Variants in ZNF561 observed in about 807,000 individuals in gnomAD.
ZNF561 encodes zinc finger protein 561.
ZNF561 carries 16 observed loss-of-function variants against 16.7 expected under a neutral mutation model. That is an observed-to-expected ratio of 0.96 (90% CI 0.65 to 1.45). The LOEUF (loss-of-function observed/expected upper bound fraction) is 1.45, where lower values mean the gene tolerates loss of function less well. Ranked by LOEUF, ZNF561 falls within the 40% of genes most tolerant of loss-of-function variation. The probability of loss-of-function intolerance (pLI) is 0.00; values close to 1 mark genes in which losing one functional copy is unlikely to be tolerated. For synonymous variants in ZNF561, 190 were observed against 192.1 expected, an observed-to-expected ratio of 0.99 and a Z score of 0.09; for missense variants, 580 against 578.0, an observed-to-expected ratio of 1.00 and a Z score of -0.04.
chr19:9,617,801 T>G (rs1177659590), intron 3 of ZNF561: 1 of 487,544 alleles, frequency 2.1e-6, no homozygotes, highest in Admixed American at 2.3e-5. Context: ...AAAGGACACT[T>G]TCATCTGCTT....
chr19:9,618,864 C>T (rs1447544162), intron 2 of ZNF561, among the ~76,000 whole-genome samples: 2 of 152,186 alleles, frequency 1.3e-5, no homozygotes, highest in Non-Finnish European at 2.9e-5. Context: ...TGCCTGTAAT[C>T]CCAATACTTT....
In ZNF561 at chr19:9,607,879, T is replaced by C. The variant is rs2074377587; in HGVS notation, c.*2321A>G. ...TGTATGTGAAAATAGGGTTTTTTAG[T>C]TTTGTTTTTGAGACAGAGTCTCGCT... On this transcript the variant is annotated 3_prime_UTR_variant, in exon 6 of 6. Transcript: ENST00000302851. The C allele has an allele frequency of 6.6e-6, 1 of 152,048 alleles. No homozygotes were observed. The highest frequency in any genetic ancestry group is 1.5e-5 in the Non-Finnish European group (1 of 68,026). The allele number at this position is 152,048 out of a possible 1,614,324, so 9.4% of individuals were successfully genotyped here. A position where few individuals can be genotyped will look rare whatever the true frequency, so the allele number is the denominator to read the frequency against.
At chr19:9,616,790 T>A (rs968618015) in intron 4 of ZNF561, among the ~76,000 whole-genome samples, 9 of 151,522 alleles carry the variant, frequency 5.9e-5, no homozygotes, top group African/African-American at 2.2e-4. Flanking sequence ...GAGACGGGGT[T>A]TCACAGTGTT....
In ZNF561 at chr19:9,618,138, T is replaced by C; in HGVS notation, c.67A>G (p.Thr23Ala). ...REPICPFEEKTKVERMVEDYL... is the reference protein window; with the variant it reads ...REPICPFEEKAKVERMVEDYL... ...TCCTCCACCATCCTTTCTACCTTTG[T>C]CTTTTCTTCAAAAGGGCAGATTGGT... The change falls in exon 3 of 6, where the codon ACA becomes GCA. Residue 23 changes from threonine to alanine, a missense_variant. Thr to Ala is a moderately conservative substitution (Grantham distance 58). Coordinates refer to ENST00000302851, the MANE Select transcript of ZNF561 (RefSeq NM_152289.3). The C allele has an allele frequency of 6.4e-7, 1 of 1,551,436 alleles. No individual in the cohort carries two copies. The highest frequency in any genetic ancestry group is 1.4e-5 in the African/African-American group (1 of 73,164).
chr19:9,607,527 T>TAG lies in ZNF561; in HGVS notation c.*2672_*2673insCT, dbSNP rs1331542721. On this transcript the variant is annotated 3_prime_UTR_variant, in exon 6 of 6. Transcript: ENST00000302851. ...AAAACTGGATATAAAAAGAAACCTTTCCTGTAAGAGATTAGCCTCTTCAAA... is the reference window on the plus strand; with the variant it reads ...AAAACTGGATATAAAAAGAAACCTTTAGCCTGTAAGAGATTAGCCTCTTCAAA... 53 of 152,270 alleles carry TAG rather than the reference T, an allele frequency of 3.5e-4. No individual in the cohort carries two copies. In the East Asian group the frequency reaches 9.6e-3, roughly 28 times the overall value. The allele number at this position is 152,270 out of a possible 1,614,324, so 9.4% of individuals were successfully genotyped here.
Position 9,617,987 on chromosome 19 carries a change from A to G in ZNF561, c.114+104T>C, listed in dbSNP as rs1271023800. 3 of 1,107,858 alleles carry G rather than the reference A, an allele frequency of 2.7e-6. No homozygotes were observed. The Admixed American group carries it at 6.5e-5, about 24-fold the overall frequency. 68.6% of individuals were successfully genotyped at this position (1,107,858 alleles called of 1,614,324 possible). ...GGACTCAGTCCTTGAGTAAGGCTTC[A>G]TTTGCTCTAAGAAAACTCTGAAGAT... On this transcript the variant is annotated intron_variant, in intron 3 of 5. Coordinates refer to ENST00000302851, the MANE Select transcript of ZNF561 (RefSeq NM_152289.3).
chr19:9,619,080 A>C (rs930462053), intron 2 of ZNF561: 1 of 157,870 alleles, frequency 6.3e-6, no homozygotes, highest in East Asian at 1.8e-4. Flanking sequence ...TTCTGTCTCA[A>C]AAACAAAAAC....
At position 9,612,532 on chromosome 19, in the gene ZNF561, T is replaced by C. The variant is rs183276068; in HGVS notation, c.325-1196A>G. Among the ~76,000 whole-genome samples, 781 of 152,226 alleles carry C rather than the reference T, an allele frequency of 5.1e-3. 5 individuals are homozygous for C. Among genetic ancestry groups the C allele is most frequent in the African/African-American group, 0.017 (724 of 41,548 alleles). On this transcript the variant is annotated intron_variant, in intron 5 of 5. Transcript: ENST00000302851. ...CACACCCAGCCTCAATTTATTTTTA[T>C]AGAGACAAAGTCTTACTATGTAGCC...
At chr19:9,612,739 G>C (rs2074483594) in intron 5 of ZNF561, among the ~76,000 whole-genome samples, 1 of 152,182 alleles carries the variant, frequency 6.6e-6, no homozygotes, top group Non-Finnish European at 1.5e-5. Flanking sequence ...CCTTTTGCCA[G>C]AATTCTACGC....
In ZNF561 at chr19:9,618,111, A is replaced by G; in HGVS notation, c.94T>C (p.Tyr32His). 1 of 1,551,280 alleles carries G rather than the reference A, an allele frequency of 6.4e-7. No homozygotes were observed. The highest frequency in any genetic ancestry group is 8.7e-7 in the Non-Finnish European group (1 of 1,146,644). The stretch of plus-strand genomic sequence containing the variant: ...CTTACCTGATAACCACTTGCCAGGT[A>G]GTCCTCCACCATCCTTTCTACCTTT... ...KTKVERMVED[Y>H]LASGYQDSVT... The change falls in exon 3 of 6, where the codon TAC (tyrosine) becomes CAC (histidine). Residue 32 changes from tyrosine to histidine, a missense_variant. Physicochemically the swap from Tyr to His is moderately conservative, Grantham distance 83. Transcript: ENST00000302851.
chr19:9,619,224 T>A lies in ZNF561; in HGVS notation c.25+208A>T, dbSNP rs142901991. 2,242 of 290,244 alleles carry A rather than the reference T, an allele frequency of 7.7e-3. 50 individuals are homozygous for A. The highest frequency in any genetic ancestry group is 0.046 in the African/African-American group (2,091 of 45,444). 18.0% of individuals were successfully genotyped at this position (290,244 alleles called of 1,614,324 possible). On this transcript the variant is annotated intron_variant, in intron 2 of 5. Coordinates refer to ENST00000302851, the MANE Select transcript of ZNF561 (RefSeq NM_152289.3). Reference sequence around the variant, plus strand: ...GTGAGCTAAGATTGCACCACTGCACTCCAGCCTGGGTGACGGAACAAGATT... The same window carrying A: ...GTGAGCTAAGATTGCACCACTGCACACCAGCCTGGGTGACGGAACAAGATT...
intron 3 of ZNF561, 105 bp downstream of exon 3, chr19:9,617,986 C>A (rs1193091069): frequency 1.9e-6 from 2 of 1,078,576 alleles, no homozygotes; most frequent in South Asian, 1.4e-5. Flanking sequence ...AGTAAGGCTT[C>A]ATTTGCTCTA....
Position 9,615,721 on chromosome 19 carries a change from C to T in ZNF561, c.241+1324G>A, listed in dbSNP as rs1488095714. Among the ~76,000 whole-genome samples, 10 of 142,602 alleles carry T rather than the reference C, an allele frequency of 7.0e-5. No individual in the cohort carries two copies. The Admixed American group carries it at 7.2e-4, about 10-fold the overall frequency. 93.6% of individuals were successfully genotyped at this position (142,602 alleles called of 152,430 possible). ...AGGAGTTCAAGACCGGGCTGGCCAA[C>T]ATGGCGAAACCCCATCTCTACTAAA... On this transcript the variant is annotated intron_variant, in intron 4 of 5. Coordinates refer to ENST00000302851, the MANE Select transcript of ZNF561 (RefSeq NM_152289.3).
Position 9,610,301 on chromosome 19 carries a change from A to C in ZNF561, c.1360T>G (p.Cys454Gly). ...GAGGAAACAGCAAATGCTTTCCCAC[A>C]TTCTTTACATACGAAGGGTTTCTCT... is the stretch of plus-strand genomic sequence containing the variant. ...TGEKPFVCKE[C>G]GKAFAVSSRL... Residue 454 changes from cysteine to glycine, a missense_variant, in exon 6 of 6, where the codon TGT becomes GGT. Transcript: ENST00000302851. The C allele has an allele frequency of 6.2e-7, 1 of 1,614,184 alleles. No individual in the cohort carries two copies. The highest frequency in any genetic ancestry group is 1.3e-5 in the African/African-American group (1 of 75,062).
In ZNF561 at chr19:9,611,107, G is replaced by T; in HGVS notation, c.554C>A (p.Ala185Asp). The T allele has an allele frequency of 6.2e-7, 1 of 1,614,100 alleles. No homozygotes were observed. Among genetic ancestry groups the T allele is most frequent in the Non-Finnish European group, 8.5e-7 (1 of 1,179,964 alleles). Reference protein sequence around the residue: ...GKVFTLTPGLAVHLEVLNARQ... With the variant: ...GKVFTLTPGLDVHLEVLNARQ... ...TGCATTGAGAACTTCAAGATGTACA[G>T]CAAGACCTGGAGTTAGAGTAAAGAC... The change falls in exon 6 of 6, where the codon GCT (alanine) becomes GAT (aspartate). Residue 185 changes from alanine (A) to aspartate (D), a missense_variant. By Grantham distance (126) the Ala-to-Asp change is moderately radical. Coordinates refer to ENST00000302851, the MANE Select transcript of ZNF561 (RefSeq NM_152289.3).
intron 1 of ZNF561, among the ~76,000 whole-genome samples, chr19:9,620,348 C>G (rs969126519): frequency 6.6e-6 from 1 of 152,282 alleles, no homozygotes; most frequent in Non-Finnish European, 1.5e-5. Context: ...CTTCAGCCCC[C>G]CAACTAGCTG....
At chr19:9,612,536 G>A (rs910191878) in intron 5 of ZNF561, among the ~76,000 whole-genome samples, 3 of 151,958 alleles carry the variant, frequency 2.0e-5, no homozygotes, top group African/African-American at 7.2e-5. Flanking sequence ...TTTTTATAGA[G>A]ACAAAGTCTT....
intron 1 of ZNF561, among the ~76,000 whole-genome samples, chr19:9,619,839 C>CTATCTA (rs2074627314): frequency 6.8e-6 from 1 of 147,684 alleles, no homozygotes; most frequent in African/African-American, 2.7e-5. Context: ...ATCATTACCT[C>CTATCTA]TATCTATCTA....
chr19:9,612,473 C>T (rs959054385), intron 5 of ZNF561, among the ~76,000 whole-genome samples: 1 of 152,134 alleles, frequency 6.6e-6, no homozygotes, highest in Non-Finnish European at 1.5e-5. Flanking sequence ...CTGCCTCAAC[C>T]TCCCAAATTG....
Sources: gnomAD v4.1 joint callset for allele counts (sites outside exome capture counted in the v4.1 genomes callset) on GRCh38, gnomAD v4.1.1 for gene constraint, MANE v1.5 for transcripts, NCBI Gene and HGNC (gene_info 2026-07-23, HGNC 2026-07-21) for gene names.